Variants in FBXW12 observed in about 807,000 individuals in gnomAD.
The protein encoded by FBXW12 is F-box/WD repeat-containing protein 12.
FBXW12 carries 43 observed loss-of-function variants against 55.3 expected under a neutral mutation model. The observed-to-expected ratio is 0.78, with a 90% CI of 0.61 to 1.00. The LOEUF (loss-of-function observed/expected upper bound fraction) is 1.00, where lower values mean the gene tolerates loss of function less well. Among genes scored for constraint, FBXW12 ranks in the 50% least tolerant of loss-of-function variants. The pLI, the probability that FBXW12 is intolerant of heterozygous loss-of-function variation, is 0.00. For missense variants in FBXW12, 524 were observed against 560.5 expected (o/e 0.93, Z 0.66); for synonymous variants, 184 against 203.8 (o/e 0.90, Z 0.83).
At chr3:48,373,390 T>C (rs1663077629) in intron 3 of FBXW12, 45 bp downstream of exon 3, 3 of 1,613,908 alleles carry the variant, frequency 1.9e-6, no homozygotes. Context: ...GAGGAGATCA[T>C]CTGACTGCGC....
chr3:48,373,221 A>G (rs2036628944), intron 2 of FBXW12, 87 bp from the exon 3 acceptor site: 6 of 1,601,622 alleles, frequency 3.7e-6, no homozygotes, highest in Non-Finnish European at 8.5e-7. Context: ...GTGCGGGCCC[A>G]GCTCCCAGAA....
chr3:48,378,435 G>A lies in FBXW12; in HGVS notation c.524G>A (p.Cys175Tyr). 6.2e-7 allele frequency: 1 copy of A among 1,614,076 alleles called. No individual in the cohort carries two copies. The highest frequency in any genetic ancestry group is 8.5e-7 in the Non-Finnish European group (1 of 1,180,024). Residue 175 changes from cysteine (C) to tyrosine (Y), a missense_variant, in exon 6 of 11, where the codon TGT (cysteine) becomes TAT (tyrosine). Transcript: ENST00000296438. ...AAAAAAACTATCAAAGTGTGGAACT[G>A]TCAGGACAGGGACGCTCTGGCTGTT... The part of the protein sequence containing the change: ...DRKKTIKVWN[C>Y]QDRDALAVLP...
At chr3:48,379,076 T>C (rs1485284768) in intron 6 of FBXW12, among the ~76,000 whole-genome samples, 1 of 152,194 alleles carries the variant, frequency 6.6e-6, no homozygotes, top group African/African-American at 2.4e-5. Context: ...TGCCTTTTCT[T>C]TCAAGTGGTG....
intron 4 of FBXW12, among the ~76,000 whole-genome samples, chr3:48,375,064 T>C (rs1476455453): frequency 6.6e-6 from 1 of 152,130 alleles, no homozygotes; most frequent in African/African-American, 2.4e-5. Context: ...TGCCTGGACT[T>C]GATAACTCTT....
intron 8 of FBXW12, 30 bp downstream of exon 8, chr3:48,380,942 T>A (rs2036758680): frequency 6.3e-7 from 1 of 1,576,406 alleles, no homozygotes; most frequent in African/African-American, 1.4e-5. Flanking sequence ...AAACGCTTGT[T>A]TCTCTTCCTC....
chr3:48,380,968 G>A (rs575121328), intron 8 of FBXW12, 56 bp downstream of exon 8: 58 of 1,446,820 alleles, frequency 4.0e-5, no homozygotes, highest in Middle Eastern at 3.5e-4. Context: ...ACAGTCATTC[G>A]TGTTTAGCTC....
chr3:48,391,314 C>CTA (rs2036923732), intron 10 of FBXW12, among the ~76,000 whole-genome samples: 1 of 86,190 alleles, frequency 1.2e-5, no homozygotes, highest in Non-Finnish European at 2.2e-5. Flanking sequence ...TTATATCTAT[C>CTA]TATACACACA....
intron 10 of FBXW12, among the ~76,000 whole-genome samples, chr3:48,393,275 A>T (rs1456064600): frequency 2.0e-5 from 3 of 152,050 alleles, no homozygotes; most frequent in Non-Finnish European, 4.4e-5. Flanking sequence ...GGATTACAGA[A>T]GTGAGCCATC....
intron 4 of FBXW12, among the ~76,000 whole-genome samples, chr3:48,374,089 T>C (rs1356550864): frequency 6.6e-6 from 1 of 151,900 alleles, no homozygotes; most frequent in Non-Finnish European, 1.5e-5. Flanking sequence ...AAGGCCGAGG[T>C]GGGCAGATCA....
At chr3:48,383,701 G>A (rs77400828) in intron 10 of FBXW12, among the ~76,000 whole-genome samples, 1 of 152,062 alleles carries the variant, frequency 6.6e-6, no homozygotes, top group Admixed American at 6.6e-5. Context: ...TACAGTTTAG[G>A]GTTTTACATT....
In FBXW12 at chr3:48,379,438, G is replaced by T. The variant is rs1575359955; in HGVS notation, c.654G>T (p.Leu218=). 8.7e-6 allele frequency: 14 copies of T among 1,614,174 alleles called. No homozygotes were observed. The South Asian group carries it at 1.3e-4, about 15-fold the overall frequency. ...DAAGDIYTFT[L]PGLRDVSKVT... ...CAGGTGACATCTACACATTTACACT[G>T]CCTGGGTTAAGAGATGTTTCTAAAG... is the stretch of plus-strand genomic sequence containing the variant. The change falls in exon 7 of 11, where the codon CTG becomes CTT. Residue 218 remains leucine (L), a synonymous_variant. Transcript: ENST00000296438.
chr3:48,382,027 C>G lies in FBXW12; in HGVS notation c.1237C>G (p.Pro413Ala), dbSNP rs373903306. ...CATGTGGGAAGAAGGAGGCCGCCAT[C>G]CATACCTCAGGAGCTGCTGTCACCT... is the stretch of plus-strand genomic sequence containing the variant. ...VYMWEEGGRHPYLRSCCHLEN... is the reference protein window; with the variant it reads ...VYMWEEGGRHAYLRSCCHLEN... The change falls in exon 10 of 11, where the codon CCA (proline) becomes GCA (alanine). Residue 413 changes from proline to alanine, a missense_variant. Coordinates refer to ENST00000296438, the MANE Select transcript of FBXW12 (RefSeq NM_207102.2). The G allele has an allele frequency of 1.9e-5, 30 of 1,614,054 alleles. No homozygotes were observed. Among genetic ancestry groups the G allele is most frequent in the Non-Finnish European group, 2.5e-5 (30 of 1,180,050 alleles).
chr3:48,377,865 AG>A (rs901600586), intron 5 of FBXW12, among the ~76,000 whole-genome samples: 1 of 152,246 alleles, frequency 6.6e-6, no homozygotes, highest in African/African-American at 2.4e-5. Context: ...TCATCTAGAA[AG>A]ACAACTATTC....
intron 10 of FBXW12, among the ~76,000 whole-genome samples, chr3:48,384,289 GTT>G (rs1171753851): frequency 6.6e-6 from 1 of 151,994 alleles, no homozygotes; most frequent in African/African-American, 2.4e-5. Flanking sequence ...ATATTTCGTG[GTT>G]TTGGTGCTAT....
chr3:48,376,531 G>A (rs2036689058), intron 5 of FBXW12, among the ~76,000 whole-genome samples: 1 of 152,158 alleles, frequency 6.6e-6, no homozygotes, highest in Non-Finnish European at 1.5e-5. Flanking sequence ...TTGTCTAATG[G>A]TATAAACTGC....
chr3:48,390,406 CTT>C lies in FBXW12; in HGVS notation c.1296-4129_1296-4128del, dbSNP rs71625870. Among the ~76,000 whole-genome samples, 274 of 57,912 alleles carry C rather than the reference CTT, an allele frequency of 4.7e-3. 1 individual carries two copies. The highest frequency in any genetic ancestry group is 0.018 in the African/African-American group (238 of 13,166). The allele number at this position is 57,912 out of a possible 152,430, so 38.0% of individuals were successfully genotyped here. ...TTTTTAATGTCACCTAGGATTTCCT[CTT>C]TTTTTTTTTTTTTTTTTTTTTTTTG... On this transcript the variant is annotated intron_variant, in intron 10 of 10. Transcript: ENST00000296438.
rs1163305509 is a variant in FBXW12 at position 48,381,723 on chromosome 3, G to A, written c.1009G>A (p.Val337Met). The change falls in exon 9 of 11, where the codon GTG (valine) becomes ATG (methionine). Residue 337 changes from valine to methionine, a missense_variant. By Grantham distance (21) the Val-to-Met change is conservative. Coordinates refer to ENST00000296438, the MANE Select transcript of FBXW12 (RefSeq NM_207102.2). ...IQAYEIASFQ[V>M]AAHLKCPIWM... ...AGCATATGAGATCGCAAGTTTCCAG[G>A]TGGCAGCTCATCTGAAGTGCCCTAT... 10 of 1,585,196 alleles carry A rather than the reference G, an allele frequency of 6.3e-6. No individual in the cohort carries two copies. In the Admixed American group the frequency reaches 1.5e-4, roughly 23 times the overall value.
intron 10 of FBXW12, among the ~76,000 whole-genome samples, chr3:48,385,125 C>T (rs889010954): frequency 1.3e-5 from 2 of 152,144 alleles, no homozygotes; most frequent in African/African-American, 4.8e-5. Context: ...TTCATTCCCC[C>T]TCTCTCCCAG....
chr3:48,375,354 C>G lies in FBXW12; in HGVS notation c.287C>G (p.Ala96Gly), dbSNP rs762551674. ...NFIYKVTKNI[A>G]FETELAYLSG... ...CCAAGTCTTCTATGTTTCCTTCTAG[C>G]ATTTGAGACGGAGTTGGCTTATCTC... Residue 96 changes from alanine to glycine, a missense_variant and splice_region_variant, in exon 5 of 11, where the codon GCA becomes GGA. By Grantham distance (60) the Ala-to-Gly change is moderately conservative. Transcript: ENST00000296438. The G allele has an allele frequency of 2.5e-6, 4 of 1,575,838 alleles. No individual in the cohort carries two copies. Among genetic ancestry groups the G allele is most frequent in the Non-Finnish European group, 3.5e-6 (4 of 1,146,710 alleles).
Sources: allele counts gnomAD v4.1 joint callset (sites outside exome capture counted in the v4.1 genomes callset), GRCh38; gene constraint gnomAD v4.1.1; transcripts MANE v1.5; gene names NCBI Gene and HGNC (gene_info 2026-07-23, HGNC 2026-07-21).